ZNF644: variants seen among roughly 807,000 people sequenced by gnomAD.
ZNF644 encodes the protein zinc finger protein 644, also known as zinc finger motif enhancer binding protein 2.
ZNF644 carries 20 observed loss-of-function variants against 108.0 expected under a neutral mutation model. The observed-to-expected ratio is 0.19, with a 90% CI of 0.13 to 0.27. The LOEUF (loss-of-function observed/expected upper bound fraction) is 0.27, where lower values mean the gene tolerates loss of function less well. Among genes scored for constraint, ZNF644 ranks in the 10% least tolerant of loss-of-function variants. The pLI, the probability that ZNF644 is intolerant of heterozygous loss-of-function variation, is 1.00. For synonymous variants in ZNF644, 542 were observed against 539.1 expected, an observed-to-expected ratio of 1.01 and a Z score of -0.08; for missense variants, 1,338 against 1,548.9, an observed-to-expected ratio of 0.86 and a Z score of 2.29.
intron 1 of ZNF644, among the ~76,000 whole-genome samples, chr1:91,017,156 T>C (rs1660503141): frequency 6.6e-6 from 1 of 152,202 alleles, no homozygotes; most frequent in Non-Finnish European, 1.5e-5. Flanking sequence ...TTAAAAGCTG[T>C]ATTTTCAACT....
chr1:90,968,791 C>A (rs772903194), intron 2 of ZNF644, among the ~76,000 whole-genome samples: 1 of 151,994 alleles, frequency 6.6e-6, no homozygotes, highest in Non-Finnish European at 1.5e-5. Flanking sequence ...TCAATATATA[C>A]AGATAAATAG....
chr1:90,934,573 C>T (rs944645896), intron 4 of ZNF644, among the ~76,000 whole-genome samples: 3 of 152,136 alleles, frequency 2.0e-5, no homozygotes, highest in Admixed American at 6.6e-5. Flanking sequence ...TTATAAGAAG[C>T]GTATTACATA....
chr1:90,929,624 C>T (rs146325299), intron 4 of ZNF644, among the ~76,000 whole-genome samples: 1 of 152,290 alleles, frequency 6.6e-6, no homozygotes, highest in East Asian at 1.9e-4. Flanking sequence ...CATTGGGAAG[C>T]TTTCACAATA....
chr1:91,007,507 C>T (rs149906905), intron 1 of ZNF644, among the ~76,000 whole-genome samples: 9 of 152,104 alleles, frequency 5.9e-5, no homozygotes, highest in African/African-American at 1.9e-4. Context: ...AGCCACTGCG[C>T]CCAGCAAATT....
chr1:90,937,361 A>T (rs1376464973), intron 4 of ZNF644, 124 bp downstream of exon 4: 4 of 575,544 alleles, frequency 6.9e-6, no homozygotes, highest in Non-Finnish European at 1.0e-5. Context: ...TGTGCTCTGT[A>T]AAAAAAAAAA....
chr1:90,979,761 G>A (rs191337664), intron 2 of ZNF644, among the ~76,000 whole-genome samples: 77 of 152,156 alleles, frequency 5.1e-4, no homozygotes, highest in African/African-American at 1.9e-3. Flanking sequence ...GAAATAACTA[G>A]TACAAACCCA....
In ZNF644 at chr1:90,916,798, C is replaced by T; in HGVS notation, c.3984G>A (p.Ter1328=). Residue 1328 remains the stop codon, a stop_retained_variant, in exon 6 of 6, where the codon TAG becomes TAA. Coordinates refer to ENST00000337393, the MANE Select transcript of ZNF644 (RefSeq NM_201269.3). Reference sequence around the variant, plus strand: ...TGGCTATTTAAAAGGTTTCCTGGTTCTATGAAGCTGCTTCGGCCATTAGTA... The same window carrying T: ...TGGCTATTTAAAAGGTTTCCTGGTTTTATGAAGCTGCTTCGGCCATTAGTA... ...FSLLMAEAAS[*] The T allele has an allele frequency of 6.2e-7, 1 of 1,614,074 alleles. No homozygotes were observed. The highest frequency in any genetic ancestry group is 8.5e-7 in the Non-Finnish European group (1 of 1,180,018).
At chr1:90,918,005 A>G (rs765513376) in intron 5 of ZNF644, 47 bp downstream of exon 5, 10 of 1,493,542 alleles carry the variant, frequency 6.7e-6, no homozygotes, top group Non-Finnish European at 9.3e-6. Flanking sequence ...TATGTTTCAA[A>G]GCAAAGTATG....
At chr1:90,944,688 T>A (rs1288494545) in intron 2 of ZNF644, among the ~76,000 whole-genome samples, 1 of 152,206 alleles carries the variant, frequency 6.6e-6, no homozygotes, top group Non-Finnish European at 1.5e-5. Context: ...AATTCTTTAC[T>A]GAGAGAAAAT....
At chr1:90,949,361 T>C (rs531231383) in intron 2 of ZNF644, among the ~76,000 whole-genome samples, 1 of 152,150 alleles carries the variant, frequency 6.6e-6, no homozygotes, top group African/African-American at 2.4e-5. Context: ...GCTCAACTTA[T>C]TTTTCTGAAA....
chr1:91,011,811 C>G (rs1659980450), intron 1 of ZNF644, among the ~76,000 whole-genome samples: 1 of 152,058 alleles, frequency 6.6e-6, no homozygotes, highest in Admixed American at 6.6e-5. Context: ...CAGAAATACC[C>G]AAATACCTTA....
intron 1 of ZNF644, among the ~76,000 whole-genome samples, chr1:91,001,873 G>A (rs1658871255): frequency 6.6e-6 from 1 of 152,160 alleles, no homozygotes. Context: ...AAAATCACAA[G>A]CATTCTTATA....
chr1:91,016,284 A>G (rs1660427737), intron 1 of ZNF644, among the ~76,000 whole-genome samples: 1 of 152,348 alleles, frequency 6.6e-6, no homozygotes, highest in South Asian at 2.1e-4. Flanking sequence ...ACAGTCATAC[A>G]TCACTTAAGC....
intron 2 of ZNF644, among the ~76,000 whole-genome samples, chr1:90,979,980 G>A (rs1220935001): frequency 6.6e-6 from 1 of 152,160 alleles, no homozygotes; most frequent in Non-Finnish European, 1.5e-5. Context: ...AATGCTGTCT[G>A]TGGATTATCC....
intron 4 of ZNF644, among the ~76,000 whole-genome samples, chr1:90,929,122 A>AT (rs1650421200): frequency 6.6e-6 from 1 of 152,090 alleles, no homozygotes; most frequent in Non-Finnish European, 1.5e-5. Flanking sequence ...TTATTTATTT[A>AT]TTTTTTCTGT....
chr1:90,958,080 G>A (rs1198773653), intron 2 of ZNF644, among the ~76,000 whole-genome samples: 1 of 151,404 alleles, frequency 6.6e-6, no homozygotes, highest in Non-Finnish European at 1.5e-5. Context: ...GACCAGCCTG[G>A]CCAACAGCGA....
chr1:91,019,490 C>G (rs1362918235), intron 1 of ZNF644, among the ~76,000 whole-genome samples: 1 of 151,918 alleles, frequency 6.6e-6, no homozygotes. Context: ...CTGAAACTAT[C>G]TGATATTTCT....
chr1:90,923,354 A>G (rs74099866), intron 4 of ZNF644, among the ~76,000 whole-genome samples: 1,888 of 151,248 alleles, frequency 0.012, 36 homozygotes, highest in African/African-American at 0.043. Context: ...TCAAAAAAGG[A>G]AAAAAAAAGG....
intron 2 of ZNF644, among the ~76,000 whole-genome samples, chr1:90,956,459 G>T (rs1653764362): frequency 6.6e-6 from 1 of 152,176 alleles, no homozygotes; most frequent in South Asian, 2.1e-4. Context: ...ATTCCCCACA[G>T]ATGAGATTTA....
Sources: allele counts gnomAD v4.1 joint callset (sites outside exome capture counted in the v4.1 genomes callset), GRCh38; gene constraint gnomAD v4.1.1; transcripts MANE v1.5; gene names NCBI Gene and HGNC (gene_info 2026-07-23, HGNC 2026-07-21).